The following PTPRD variants were observed in gnomAD, a reference collection of about 807,000 sequenced individuals.
PTPRD encodes the protein protein tyrosine phosphatase receptor type D, also known as receptor-type tyrosine-protein phosphatase delta.
PTPRD carries 34 observed loss-of-function variants against 214.5 expected under a neutral mutation model. The observed-to-expected ratio is 0.16, with a 90% confidence interval of 0.12 to 0.21. PTPRD has a LOEUF of 0.21. Ranked by LOEUF, PTPRD falls within the 10% of genes least tolerant of loss-of-function variation. PTPRD has a pLI of 1.00. For missense variants in PTPRD, 2,545 were observed against 2,398.7 expected (o/e 1.06, Z -1.27); for synonymous variants, 1,128 against 845.7 (o/e 1.33, Z -5.79).
rs188448173 is a variant in PTPRD, at chr9:9,051,489, A to C, written c.-142-32754T>G. On this transcript the variant is annotated intron_variant, in intron 10 of 45. Coordinates refer to ENST00000381196, the MANE Select transcript of PTPRD (RefSeq NM_002839.4). ...GTGAAATCCAACCTTGGTGTCATTT[A>C]GTGTTACATTCAGCTATGAAAATTT... is the stretch of plus-strand genomic sequence containing the variant. Among the ~76,000 whole-genome samples the C allele has an allele frequency of 3.3e-5, 5 of 152,332 alleles. No individual in the cohort carries two copies. In the East Asian group the frequency reaches 9.6e-4, roughly 29 times the overall value.
intron 11 of PTPRD, among the ~76,000 whole-genome samples, chr9:8,945,140 A>G (rs1415352922): frequency 1.3e-5 from 2 of 152,054 alleles, no homozygotes; most frequent in African/African-American, 2.4e-5. Flanking sequence ...TGCTAAATCA[A>G]ATTTTAAGGT....
intron 12 of PTPRD, among the ~76,000 whole-genome samples, chr9:8,702,177 AT>A (rs2098102007): frequency 6.6e-6 from 1 of 151,736 alleles, no homozygotes; most frequent in Non-Finnish European, 1.5e-5. Context: ...TTTTTCTGGA[AT>A]TTATCAGTGG....
Position 8,900,080 on chromosome 9 carries a change from G to A in PTPRD, c.-104+118617C>T, listed in dbSNP as rs538439909. ...AAACTGCATTGTCAAGCTGAGTAAT[G>A]GACTATTCTATTCAACGACTGTTGG... On this transcript the variant is annotated intron_variant, in intron 11 of 45. Coordinates refer to ENST00000381196, the MANE Select transcript of PTPRD (RefSeq NM_002839.4). Among the ~76,000 whole-genome samples, 3 of 152,198 alleles carry A rather than the reference G, an allele frequency of 2.0e-5. No individual in the cohort carries two copies. In the South Asian group the frequency reaches 6.2e-4, roughly 32 times the overall value.
intron 10 of PTPRD, among the ~76,000 whole-genome samples, chr9:9,073,464 A>T (rs1231798042): frequency 6.6e-6 from 1 of 151,850 alleles, no homozygotes; most frequent in Non-Finnish European, 1.5e-5. Context: ...TGTTACTCTA[A>T]GACTATTTTT....
intron 10 of PTPRD, among the ~76,000 whole-genome samples, chr9:9,164,491 C>T (rs1049296921): frequency 1.3e-5 from 2 of 152,144 alleles, no homozygotes; most frequent in African/African-American, 2.4e-5. Context: ...GACACAGAAG[C>T]TAACATATTG....
chr9:9,159,138 GT>G (rs1403722028), intron 10 of PTPRD, among the ~76,000 whole-genome samples: 4 of 152,048 alleles, frequency 2.6e-5, no homozygotes, highest in African/African-American at 9.7e-5. Context: ...TTCCTTTAAG[GT>G]CAGGGACAAG....
intron 8 of PTPRD, among the ~76,000 whole-genome samples, chr9:9,516,658 C>T (rs1427067140): frequency 6.6e-6 from 1 of 152,048 alleles, no homozygotes; most frequent in African/African-American, 2.4e-5. Context: ...CTGCCTCAGA[C>T]TCCTCAGTAG....
chr9:10,020,269 G>C (rs991256026), intron 4 of PTPRD, among the ~76,000 whole-genome samples: 2 of 152,060 alleles, frequency 1.3e-5, no homozygotes, highest in African/African-American at 4.8e-5. Flanking sequence ...CTATCCCCTA[G>C]CTTAGGTGTA....
At chr9:9,378,975 T>C (rs146291380) in intron 9 of PTPRD, among the ~76,000 whole-genome samples, 11 of 148,718 alleles carry the variant, frequency 7.4e-5, no homozygotes, top group African/African-American at 2.5e-4. Flanking sequence ...TCTCTTGACA[T>C]TGTATTTGAA....
intron 7 of PTPRD, among the ~76,000 whole-genome samples, chr9:9,718,733 A>G (rs1484372988): frequency 1.3e-5 from 2 of 152,212 alleles, no homozygotes; most frequent in African/African-American, 4.8e-5. Flanking sequence ...ACTTGGGGGC[A>G]GCACTGACAT....
At chr9:9,066,722 T>C (rs1490610281) in intron 10 of PTPRD, among the ~76,000 whole-genome samples, 2 of 152,102 alleles carry the variant, frequency 1.3e-5, no homozygotes, top group Non-Finnish European at 2.9e-5. Flanking sequence ...AAGGCAGAGA[T>C]TGAAATGATA....
chr9:9,644,484 A>C (rs868264214), intron 7 of PTPRD, among the ~76,000 whole-genome samples: 6 of 152,246 alleles, frequency 3.9e-5, no homozygotes, highest in South Asian at 2.1e-4. Flanking sequence ...TGCCAGTTAA[A>C]AAATGATCCT....
intron 36 of PTPRD, among the ~76,000 whole-genome samples, chr9:8,399,576 C>T (rs1475008112): frequency 6.6e-6 from 1 of 152,088 alleles, no homozygotes; most frequent in Non-Finnish European, 1.5e-5. Context: ...AAAAAACACA[C>T]CTGAAAATCA....
intron 2 of PTPRD, among the ~76,000 whole-genome samples, chr9:10,487,923 G>C (rs1444020817): frequency 6.7e-6 from 1 of 149,572 alleles, no homozygotes; most frequent in African/African-American, 2.5e-5. Flanking sequence ...TTACCAGGTA[G>C]AGACTCTTGT....
In PTPRD at chr9:10,065,897, G is replaced by C. The variant is rs1260793139; in HGVS notation, c.-544-32107C>G. On this transcript the variant is annotated intron_variant, in intron 3 of 45. Coordinates refer to ENST00000381196, the MANE Select transcript of PTPRD (RefSeq NM_002839.4). ...TTTCCAACCAATTTCTTCTTTATTA[G>C]TATTTCTTTGATGTTACTGGTATCA... 9.2e-5 allele frequency among the ~76,000 whole-genome samples: 14 copies of C among 151,864 alleles called. 1 individual carries two copies. Among genetic ancestry groups the C allele is most frequent in the Admixed American group, 9.2e-4 (14 of 15,204 alleles).
chr9:8,347,715 T>G (rs1245300937), intron 39 of PTPRD, among the ~76,000 whole-genome samples: 1 of 152,162 alleles, frequency 6.6e-6, no homozygotes, highest in Non-Finnish European at 1.5e-5. Context: ...GGTGGGAGCT[T>G]TAATCAGATA....
At chr9:9,130,583 C>A (rs1427865691) in intron 10 of PTPRD, among the ~76,000 whole-genome samples, 1 of 152,114 alleles carries the variant, frequency 6.6e-6, no homozygotes, top group Admixed American at 6.5e-5. Context: ...TTTATATATT[C>A]TCTTTCATCT....
At chr9:8,833,405 T>A (rs2097339086) in intron 11 of PTPRD, among the ~76,000 whole-genome samples, 1 of 152,150 alleles carries the variant, frequency 6.6e-6, no homozygotes, top group Non-Finnish European at 1.5e-5. Context: ...TAGAGATATG[T>A]ATTTTAAATG....
chr9:10,260,309 G>T (rs1229499016), intron 3 of PTPRD, among the ~76,000 whole-genome samples: 2 of 152,052 alleles, frequency 1.3e-5, no homozygotes, highest in East Asian at 1.9e-4. Flanking sequence ...AAAACACAGA[G>T]ATATAATGTT....
Sources: allele counts gnomAD v4.1 joint callset (sites outside exome capture counted in the v4.1 genomes callset), GRCh38; gene constraint gnomAD v4.1.1; transcripts MANE v1.5; gene names NCBI Gene and HGNC (gene_info 2026-07-23, HGNC 2026-07-21).